ZNF469: variants seen among roughly 807,000 people sequenced by gnomAD.
ZNF469 encodes zinc finger protein 469.
Under a neutral mutation model 1.0 loss-of-function variants are expected in ZNF469, and 1 was observed. The ratio of observed to expected loss-of-function variants is 1.00; its 90% confidence interval spans 0.35 to 4.73. The LOEUF (loss-of-function observed/expected upper bound fraction) is 4.73. Among genes scored for constraint, ZNF469 ranks in the 30% most tolerant of loss-of-function variants. The pLI is 0.16. For missense variants in ZNF469, 6,100 were observed against 5,356.3 expected, an observed-to-expected ratio of 1.14 and a Z score of -4.33; for synonymous variants, 2,703 against 2,363.4, an observed-to-expected ratio of 1.14 and a Z score of -4.17.
At chr16:88,394,580 G>T (rs951853727) in intron 1 of ZNF469, among the ~76,000 whole-genome samples, 1 of 152,230 alleles carries the variant, frequency 6.6e-6, no homozygotes, top group Non-Finnish European at 1.5e-5. Flanking sequence ...GGCCTGTGGG[G>T]TGTGAGGTGG....
chr16:88,348,503 C>T, the ZNF469 span, among the ~76,000 whole-genome samples: 1 of 152,228 alleles, frequency 6.6e-6, no homozygotes, highest in Admixed American at 6.5e-5. Context: ...ATTGCACCTG[C>T]CTCAAGACCC....
Position 88,429,274 on chromosome 16 carries a change from G to A in ZNF469, c.1804G>A (p.Gly602Ser), listed in dbSNP as rs923827293. ...PLPSPATNTA[G>S]STCSSLSPMS... ...GCCGTCACCGGCCACCAACACGGCC[G>A]GCAGCACCTGCTCTTCCCTGTCGCC... The change falls in exon 3 of 3, where the codon GGC becomes AGC. Residue 602 changes from glycine to serine, a missense_variant. Gly to Ser is a moderately conservative substitution (Grantham distance 56, BLOSUM62 0). Transcript: ENST00000565624. The A allele has an allele frequency of 2.6e-5, 41 of 1,549,762 alleles. No individual in the cohort carries two copies. The highest frequency in any genetic ancestry group is 3.3e-4 in the Middle Eastern group (2 of 5,992).
Position 88,438,522 on chromosome 16 carries a change from G to C in ZNF469, c.11052G>C (p.Ser3684=), listed in dbSNP as rs780722176. 1 of 1,550,100 alleles carries C rather than the reference G, an allele frequency of 6.5e-7. No homozygotes were observed. Among genetic ancestry groups the C allele is most frequent in the Admixed American group, 2.0e-5 (1 of 51,006 alleles). Residue 3684 remains serine (S), a synonymous_variant, in exon 3 of 3, where the codon TCG becomes TCC. Transcript: ENST00000565624. ...GCCAGAGCTCATCAAAGGACAGGTC[G>C]GCAGCATCCACCCCCAGCAAAGCAC... The part of the protein sequence containing the change: ...AGCQSSSKDR[S]AASTPSKALK...
At chr16:88,212,166 A>C in the ZNF469 span, among the ~76,000 whole-genome samples, 1 of 150,938 alleles carries the variant, frequency 6.6e-6, no homozygotes, top group East Asian at 1.9e-4. Flanking sequence ...ATCTTTGAGG[A>C]TTTCTTTCTT....
chr16:88,279,280 A>G, the ZNF469 span, among the ~76,000 whole-genome samples: 1 of 151,480 alleles, frequency 6.6e-6, no homozygotes, highest in South Asian at 2.1e-4. Context: ...CCGTGTAGAT[A>G]TCAGTGCACA....
chr16:88,381,386 ATT>A (rs201246192), upstream of ZNF469, among the ~76,000 whole-genome samples: 14,199 of 147,700 alleles, frequency 0.096, 998 homozygotes, highest in East Asian at 0.4. Flanking sequence ...AGAGACATGC[ATT>A]CACACACACG....
At chr16:88,227,305 G>C in the ZNF469 span, among the ~76,000 whole-genome samples, 2 of 152,194 alleles carry the variant, frequency 1.3e-5, no homozygotes, top group Admixed American at 1.3e-4. Flanking sequence ...GAGAGGAAGC[G>C]GGGAAGGGGG....
the ZNF469 span, among the ~76,000 whole-genome samples, chr16:88,202,695 T>C: frequency 6.6e-6 from 1 of 152,108 alleles, no homozygotes; most frequent in Non-Finnish European, 1.5e-5. Context: ...GGTGGCCGGA[T>C]GGTGGTGGGG....
intron 1 of ZNF469, among the ~76,000 whole-genome samples, chr16:88,389,996 G>A (rs950895476): frequency 2.0e-5 from 3 of 152,224 alleles, no homozygotes; most frequent in African/African-American, 7.2e-5. Flanking sequence ...CCGCTACGCT[G>A]CCAGAGATGA....
chr16:88,274,487 G>A, the ZNF469 span, among the ~76,000 whole-genome samples: 1 of 152,228 alleles, frequency 6.6e-6, no homozygotes, highest in Non-Finnish European at 1.5e-5. Context: ...CATGCTTCTG[G>A]TGTGACCGCA....
the ZNF469 span, among the ~76,000 whole-genome samples, chr16:88,305,610 A>G: frequency 4.0e-5 from 6 of 150,166 alleles, no homozygotes; most frequent in South Asian, 2.1e-4. Flanking sequence ...ACACATGCAC[A>G]CACACCCTCA....
chr16:88,106,115 C>T, the ZNF469 span, among the ~76,000 whole-genome samples: 1 of 152,240 alleles, frequency 6.6e-6, no homozygotes, highest in Non-Finnish European at 1.5e-5. Flanking sequence ...TCTGGCCCAG[C>T]ACAGTGTGTG....
At chr16:88,397,249 T>G (rs575740275) in intron 1 of ZNF469, among the ~76,000 whole-genome samples, 1 of 152,230 alleles carries the variant, frequency 6.6e-6, no homozygotes, top group Non-Finnish European at 1.5e-5. Flanking sequence ...GTGCCCACCC[T>G]CAAGCGATCA....
At chr16:88,112,462 G>A in the ZNF469 span, among the ~76,000 whole-genome samples, 1 of 152,134 alleles carries the variant, frequency 6.6e-6, no homozygotes, top group South Asian at 2.1e-4. Context: ...TCTGTTTTTT[G>A]GATAAAGGCC....
the ZNF469 span, among the ~76,000 whole-genome samples, chr16:88,364,221 C>A: frequency 1.3e-5 from 2 of 152,302 alleles, no homozygotes; most frequent in East Asian, 1.9e-4. Context: ...AAAATACTAT[C>A]ATTTCCCCTG....
chr16:88,415,405 C>A (rs934647946), intron 1 of ZNF469, among the ~76,000 whole-genome samples: 1 of 152,226 alleles, frequency 6.6e-6, no homozygotes, highest in Admixed American at 6.5e-5. Context: ...GACTCCACCC[C>A]TGGCTGAAGG....
Position 88,433,013 on chromosome 16 carries a change from G to T in ZNF469, c.5543G>T (p.Gly1848Val). Reference sequence around the variant, plus strand: ...GGTGGGCACCTCCACCCCACGGCAGGGAGGCCTGGCTTTGAGGGTAATGAG... The same window carrying T: ...GGTGGGCACCTCCACCCCACGGCAGTGAGGCCTGGCTTTGAGGGTAATGAG... ...RAGGHLHPTA[G>V]RPGFEGNEFA... The change falls in exon 3 of 3, where the codon GGG (glycine) becomes GTG (valine). Residue 1848 changes from glycine to valine, a missense_variant. Physicochemically the swap from Gly to Val is moderately radical, Grantham distance 109 (BLOSUM62 -3). Transcript: ENST00000565624. 12 of 1,550,390 alleles carry T rather than the reference G, an allele frequency of 7.7e-6. No individual in the cohort carries two copies. The highest frequency in any genetic ancestry group is 1.0e-5 in the Non-Finnish European group (12 of 1,146,980).
the ZNF469 span, among the ~76,000 whole-genome samples, chr16:88,357,128 G>A: frequency 6.6e-6 from 1 of 152,244 alleles, no homozygotes; most frequent in African/African-American, 2.4e-5. Flanking sequence ...AGGGGTTGGA[G>A]GTTGGTGGTC....
chr16:88,355,755 C>T, the ZNF469 span, among the ~76,000 whole-genome samples: 19 of 152,274 alleles, frequency 1.2e-4, no homozygotes, highest in Non-Finnish European at 2.6e-4. Flanking sequence ...CCCAGCATGG[C>T]GACAGCTCTG....
Sources: allele counts gnomAD v4.1 joint callset (sites outside exome capture counted in the v4.1 genomes callset), GRCh38; gene constraint gnomAD v4.1.1; transcripts MANE v1.5; gene names NCBI Gene and HGNC (gene_info 2026-07-23, HGNC 2026-07-21).